Variants in KMT2C observed in about 807,000 individuals in gnomAD.
The protein encoded by KMT2C is lysine methyltransferase 2C, also known as histone-lysine N-methyltransferase 2C.
A neutral mutation model predicts 507.9 loss-of-function variants in KMT2C; 88 were observed. The ratio of observed to expected loss-of-function variants is 0.17; its 90% CI spans 0.15 to 0.21. KMT2C has a LOEUF of 0.21. KMT2C is among the 10% of genes least tolerant of loss of function. The probability of loss-of-function intolerance (pLI) is 1.00; values close to 1 mark genes in which losing one functional copy is unlikely to be tolerated. For missense variants in KMT2C, 4,954 were observed against 5,957.8 expected, an observed-to-expected ratio of 0.83 and a Z score of 5.55; for synonymous variants, 2,049 against 2,080.8, an observed-to-expected ratio of 0.98 and a Z score of 0.42.
intron 6 of KMT2C, among the ~76,000 whole-genome samples, chr7:152,309,176 TACC>T (rs1425368804): frequency 6.6e-6 from 1 of 152,174 alleles, no homozygotes; most frequent in African/African-American, 2.4e-5. Flanking sequence ...CTTAAAAAGT[TACC>T]ACATGAATGT....
Position 152,384,325 on chromosome 7 carries a change from G to C in KMT2C, c.162-25650C>G, listed in dbSNP as rs542113114. ...TAAAGCCTCATCTCTTGACTCTCTC[G>C]CACCAAGCTCACTGAGCTTCCAGCC... On this transcript the variant is annotated intron_variant, in intron 1 of 58. Transcript: ENST00000262189. 1.2e-3 allele frequency among the ~76,000 whole-genome samples: 176 copies of C among 152,110 alleles called. No individual in the cohort carries two copies. In the Middle Eastern group the frequency reaches 0.017, roughly 15 times the overall value.
intron 9 of KMT2C, among the ~76,000 whole-genome samples, chr7:152,255,835 A>C (rs565467937): frequency 6.6e-6 from 1 of 152,174 alleles, no homozygotes; most frequent in South Asian, 2.1e-4. Flanking sequence ...TCATACACAA[A>C]CATCAACTCC....
intron 1 of KMT2C, among the ~76,000 whole-genome samples, chr7:152,410,368 C>G (rs1250784338): frequency 6.6e-6 from 1 of 150,558 alleles, no homozygotes; most frequent in East Asian, 2.0e-4. Flanking sequence ...GTCAAGATCG[C>G]GCCCTCGCAC....
In KMT2C at chr7:152,176,414, A is replaced by G. The variant is rs960683237; in HGVS notation, c.9039T>C (p.Thr3013=). The G allele has an allele frequency of 6.2e-7, 1 of 1,614,172 alleles. No homozygotes were observed. ...SLGTGKPATQ[T]GPQTSQSGTS... ...TACCAGACTGACTTGTTTGAGGCCC[A>G]GTTTGAGTTGCAGGTTTTCCTGTCC... is the stretch of plus-strand genomic sequence containing the variant. The change falls in exon 38 of 59, where the codon ACT becomes ACC. Residue 3013 remains threonine (T), a synonymous_variant. Coordinates refer to ENST00000262189, the MANE Select transcript of KMT2C (RefSeq NM_170606.3).
intron 1 of KMT2C, among the ~76,000 whole-genome samples, chr7:152,394,580 C>G (rs1405234683): frequency 1.3e-5 from 2 of 152,212 alleles, no homozygotes; most frequent in Admixed American, 6.5e-5. Context: ...TTAAAACAAT[C>G]CAACCCAGCC....
intron 1 of KMT2C, among the ~76,000 whole-genome samples, chr7:152,382,955 G>A (rs2097386209): frequency 6.6e-6 from 1 of 152,230 alleles, no homozygotes. Flanking sequence ...ATTTATTTAA[G>A]TAATGTAATA....
chr7:152,418,022 G>A (rs966945812), intron 1 of KMT2C, among the ~76,000 whole-genome samples: 17 of 150,490 alleles, frequency 1.1e-4, no homozygotes, highest in African/African-American at 2.2e-4. Flanking sequence ...GCACAATCTC[G>A]GCTCACTGCA....
At chr7:152,357,815 A>G (rs761547622) in intron 2 of KMT2C, among the ~76,000 whole-genome samples, 4 of 152,188 alleles carry the variant, frequency 2.6e-5, no homozygotes, top group Non-Finnish European at 5.9e-5. Flanking sequence ...AACTGTAAGG[A>G]TTTCTGGAAA....
chr7:152,209,489 G>C (rs182246937), intron 23 of KMT2C, among the ~76,000 whole-genome samples: 50 of 149,854 alleles, frequency 3.3e-4, no homozygotes, highest in Middle Eastern at 7.0e-3. Context: ...AGGGAATTTT[G>C]AGTTAAGATG....
intron 4 of KMT2C, 183 bp from the exon 5 acceptor site, chr7:152,312,129 T>A (rs1422160023): frequency 9.9e-6 from 4 of 405,418 alleles, no homozygotes; most frequent in Non-Finnish European, 1.7e-5. Flanking sequence ...TGGGTTGCCA[T>A]ATTATATCGT....
At chr7:152,286,060 G>A (rs988852472) in intron 6 of KMT2C, among the ~76,000 whole-genome samples, 1 of 152,306 alleles carries the variant, frequency 6.6e-6, no homozygotes, top group Non-Finnish European at 1.5e-5. Flanking sequence ...CTTAACAAGA[G>A]ATTGGTAGAA....
Position 152,138,729 on chromosome 7 carries a change from G to C in KMT2C, c.14643+67C>G, listed in dbSNP as rs1317870326. 2.1e-6 allele frequency: 2 copies of C among 953,764 alleles called. No individual in the cohort carries two copies. Among genetic ancestry groups the C allele is most frequent in the East Asian group, 4.8e-5 (2 of 41,308 alleles). 59.1% of individuals were successfully genotyped at this position (953,764 alleles called of 1,614,324 possible). A position where few individuals can be genotyped will look rare whatever the true frequency, so the allele number is the denominator to read the frequency against. The stretch of plus-strand genomic sequence containing the variant: ...TGGGAAACAAGTGAGTAAGTGACCT[G>C]TGTGAGGAGGGAACTATTCGCCCAG... On this transcript the variant is annotated intron_variant, in intron 58 of 58. Coordinates refer to ENST00000262189, the MANE Select transcript of KMT2C (RefSeq NM_170606.3). This position sits in a 1 kb window ranked among gnomAD's most constrained non-coding sequence, Gnocchi z 4.2.
At chr7:152,235,235 G>A (rs888913427) in intron 16 of KMT2C, among the ~76,000 whole-genome samples, 2 of 134,282 alleles carry the variant, frequency 1.5e-5, no homozygotes, top group African/African-American at 6.9e-5. Context: ...CAAAGCTTAT[G>A]GAATTGTACA....
chr7:152,331,863 G>A (rs898074430), intron 2 of KMT2C, among the ~76,000 whole-genome samples: 9 of 151,654 alleles, frequency 5.9e-5, no homozygotes, highest in South Asian at 2.1e-4. Flanking sequence ...TGGCCAGGCC[G>A]GTCTTGAACT....
chr7:152,172,169 G>T (rs1259556256), intron 39 of KMT2C, among the ~76,000 whole-genome samples: 1 of 152,128 alleles, frequency 6.6e-6, no homozygotes, highest in Non-Finnish European at 1.5e-5. Flanking sequence ...CCTACCCACT[G>T]CTACAGGTCT....
rs57967656 is a variant in KMT2C, at chr7:152,179,663, G to C, written c.7442+171C>G. Reference sequence around the variant, plus strand: ...TTTTAAATTTGTTGAAGAGGTTGGGGGGGGGGGGGGGTGGTCTCACTATAT... The same window carrying C: ...TTTTAAATTTGTTGAAGAGGTTGGGCGGGGGGGGGGGTGGTCTCACTATAT... On this transcript the variant is annotated intron_variant, in intron 37 of 58. Coordinates refer to ENST00000262189, the MANE Select transcript of KMT2C (RefSeq NM_170606.3). 1.1e-3 allele frequency among the ~76,000 whole-genome samples: 106 copies of C among 95,304 alleles called. 3 individuals are homozygous for C. The highest frequency in any genetic ancestry group is 1.5e-3 in the Non-Finnish European group (83 of 55,408). The allele number at this position is 95,304 out of a possible 152,430, so 62.5% of individuals were successfully genotyped here.
intron 12 of KMT2C, 66 bp from the exon 13 acceptor site, chr7:152,250,019 G>T: frequency 2.3e-6 from 2 of 881,156 alleles, no homozygotes; most frequent in Non-Finnish European, 3.8e-6. Flanking sequence ...TCCCTCAACA[G>T]TAATTTGAGT....
Position 152,308,673 on chromosome 7 carries a change from CAAAAAAAAAAA to C in KMT2C, c.849+1282_849+1292del, listed in dbSNP as rs938826373. On this transcript the variant is annotated intron_variant, in intron 6 of 58. Transcript: ENST00000262189. ...CTGCACAACACAGCAAAACTCCTCT[CAAAAAAAAAAA>C]AAAAAAAAAAAAAAAAGGAAGGCCA... Among the ~76,000 whole-genome samples, 138 of 24,568 alleles carry C rather than the reference CAAAAAAAAAAA, an allele frequency of 5.6e-3. 1 individual carries two copies. The highest frequency in any genetic ancestry group is 7.9e-3 in the Non-Finnish European group (104 of 13,242). 16.1% of individuals were successfully genotyped at this position (24,568 alleles called of 152,430 possible). A position where few individuals can be genotyped will look rare whatever the true frequency, so the allele number is the denominator to read the frequency against.
rs550330365 is a variant in KMT2C at position 152,417,370 on chromosome 7, G to A, written c.161+18256C>T. 6.6e-5 allele frequency among the ~76,000 whole-genome samples: 10 copies of A among 152,058 alleles called. No individual in the cohort carries two copies. In the East Asian group the frequency reaches 7.7e-4, roughly 12 times the overall value. ...TGACCTCAGGTGATCCATCCACCTCGGCCTCCCAAAGTGCTAGAATTACAG... is the reference window on the plus strand; with the variant it reads ...TGACCTCAGGTGATCCATCCACCTCAGCCTCCCAAAGTGCTAGAATTACAG... On this transcript the variant is annotated intron_variant, in intron 1 of 58. Transcript: ENST00000262189.
Sources: allele counts gnomAD v4.1 joint callset (sites outside exome capture counted in the v4.1 genomes callset), GRCh38; gene constraint gnomAD v4.1.1; non-coding constraint Gnocchi (gnomAD v3.1); transcripts MANE v1.5; gene names NCBI Gene and HGNC (gene_info 2026-07-23, HGNC 2026-07-21).